Variants in TFB1M observed in about 807,000 individuals in gnomAD.
TFB1M encodes transcription factor B1, mitochondrial.
TFB1M carries 27 observed loss-of-function variants against 31.1 expected under a neutral mutation model. The observed-to-expected ratio is 0.87, with a 90% confidence interval of 0.64 to 1.20. The LOEUF is 1.20. TFB1M is among the 50% of genes most tolerant of loss of function. TFB1M has a pLI of 0.00. For synonymous variants in TFB1M, 166 were observed against 151.8 expected (o/e 1.09, Z -0.69); for missense variants, 394 against 418.7 (o/e 0.94, Z 0.51).
chr6:155,310,497 C>T (rs1276311769), intron 2 of TFB1M, among the ~76,000 whole-genome samples: 1 of 152,152 alleles, frequency 6.6e-6, no homozygotes, highest in Non-Finnish European at 1.5e-5. Context: ...CAAGCTTATC[C>T]TATGTACCCC....
Position 155,257,756 on chromosome 6 carries a change from A to AAAG in TFB1M, c.*77_*79dup, listed in dbSNP as rs1187123124. On this transcript the variant is annotated 3_prime_UTR_variant, in exon 7 of 7. Coordinates refer to ENST00000367166, the MANE Select transcript of TFB1M (RefSeq NM_016020.4). ...ATTGGCATTTGTATCGTCATTCTGT[A>AAAG]AAGACAAAAGAGTACCTATATAAGA... is the stretch of plus-strand genomic sequence containing the variant. 1.3e-6 allele frequency: 2 copies of AAAG among 1,549,828 alleles called. No homozygotes were observed. The highest frequency in any genetic ancestry group is 4.5e-5 in the East Asian group (2 of 44,478).
chr6:155,277,864 GTTC>G (rs1785294139), intron 5 of TFB1M, among the ~76,000 whole-genome samples: 2 of 152,282 alleles, frequency 1.3e-5, no homozygotes, highest in Middle Eastern at 3.4e-3. Flanking sequence ...CCCATTAATA[GTTC>G]TTCTCTCACT....
chr6:155,299,364 A>G (rs757069138), intron 2 of TFB1M: 1 of 152,218 alleles, frequency 6.6e-6, no homozygotes, highest in Non-Finnish European at 1.5e-5. Context: ...ACAGTACTGA[A>G]GAGTTGGCAC....
chr6:155,239,511 C>T, the TFB1M span, among the ~76,000 whole-genome samples: 1 of 152,190 alleles, frequency 6.6e-6, no homozygotes, highest in Non-Finnish European at 1.5e-5. Flanking sequence ...TGACCCTGCT[C>T]CAGCAACTGT....
At chr6:155,313,733 G>A (rs1323099770) in intron 1 of TFB1M, among the ~76,000 whole-genome samples, 2 of 152,084 alleles carry the variant, frequency 1.3e-5, no homozygotes, top group African/African-American at 4.8e-5. Context: ...CCTTGTTCAC[G>A]CCCATATCCT....
At chr6:155,297,847 C>T (rs566088179) in intron 3 of TFB1M, among the ~76,000 whole-genome samples, 8 of 152,322 alleles carry the variant, frequency 5.3e-5, no homozygotes, top group African/African-American at 1.7e-4. Context: ...ATGCTAAGAA[C>T]AGGAGGGCCT....
At chr6:155,248,160 G>C in the TFB1M span, 19 of 1,613,752 alleles carry the variant, frequency 1.2e-5, no homozygotes, top group Non-Finnish European at 1.6e-5. Flanking sequence ...AGGAGAGCGA[G>C]GAGCACTACC....
intron 4 of TFB1M, among the ~76,000 whole-genome samples, chr6:155,294,507 A>G (rs1777076896): frequency 6.6e-6 from 1 of 152,202 alleles, no homozygotes; most frequent in Non-Finnish European, 1.5e-5. Flanking sequence ...AAGAAAGGTG[A>G]GCAAAAAGCA....
At chr6:155,236,419 T>G in the TFB1M span, among the ~76,000 whole-genome samples, 1 of 151,956 alleles carries the variant, frequency 6.6e-6, no homozygotes, top group African/African-American at 2.4e-5. Context: ...TCCCAGCACT[T>G]TGGGAGGCTG....
chr6:155,276,807 T>C (rs1200644176), intron 5 of TFB1M, among the ~76,000 whole-genome samples: 2 of 152,252 alleles, frequency 1.3e-5, no homozygotes, highest in Non-Finnish European at 2.9e-5. Context: ...AACTTGCTTC[T>C]GTTTTAAAGC....
intron 5 of TFB1M, among the ~76,000 whole-genome samples, chr6:155,267,941 T>C (rs1784737975): frequency 2.0e-5 from 3 of 152,238 alleles, no homozygotes. Context: ...GATTTTTCTG[T>C]AATTTGTCCA....
chr6:155,258,430 A>AAGTT (rs1487415602), intron 6 of TFB1M, among the ~76,000 whole-genome samples: 2 of 152,224 alleles, frequency 1.3e-5, no homozygotes, highest in African/African-American at 2.4e-5. Context: ...TTCAATGTGA[A>AAGTT]AGTTGTATTA....
intron 5 of TFB1M, among the ~76,000 whole-genome samples, chr6:155,280,491 C>G (rs1443087298): frequency 1.3e-5 from 2 of 152,204 alleles, no homozygotes; most frequent in African/African-American, 4.8e-5. Context: ...CCAGGAGGAA[C>G]AATATGTTTA....
intron 5 of TFB1M, among the ~76,000 whole-genome samples, chr6:155,272,297 T>C (rs1390136398): frequency 6.6e-6 from 1 of 152,238 alleles, no homozygotes; most frequent in African/African-American, 2.4e-5. Flanking sequence ...TTTTAAATAT[T>C]ATTTTTGATA....
chr6:155,262,665 C>T (rs1203873790), intron 5 of TFB1M, among the ~76,000 whole-genome samples: 2 of 152,212 alleles, frequency 1.3e-5, no homozygotes, highest in Non-Finnish European at 2.9e-5. Context: ...CAAAACTCTA[C>T]ATAAGGCTTA....
chr6:155,264,176 C>T (rs560847017), intron 5 of TFB1M: 2 of 152,232 alleles, frequency 1.3e-5, no homozygotes, highest in South Asian at 4.1e-4. Flanking sequence ...TGAGTGCCTC[C>T]GGATGCTTGG....
intron 6 of TFB1M, 42 bp from the exon 7 acceptor site, chr6:155,258,124 T>TA: frequency 1.9e-6 from 3 of 1,607,966 alleles, no homozygotes; most frequent in East Asian, 2.2e-5. Flanking sequence ...GAATTTTACT[T>TA]AAATTCTGCA....
At chr6:155,250,877 T>C in the TFB1M span, 1 of 1,596,624 alleles carries the variant, frequency 6.3e-7, no homozygotes, top group Non-Finnish European at 8.6e-7. Context: ...GCCTGGGATT[T>C]CCGTATCTTC....
At chr6:155,287,959 T>G (rs1384988882) in intron 4 of TFB1M, among the ~76,000 whole-genome samples, 2 of 152,306 alleles carry the variant, frequency 1.3e-5, no homozygotes, top group East Asian at 3.9e-4. Context: ...TGCTCAACAG[T>G]AAAAGACACA....
Sources: allele counts gnomAD v4.1 joint callset (sites outside exome capture counted in the v4.1 genomes callset), GRCh38; gene constraint gnomAD v4.1.1; transcripts MANE v1.5; gene names NCBI Gene and HGNC (gene_info 2026-07-23, HGNC 2026-07-21).